MRPL42: variants seen among roughly 807,000 people sequenced by gnomAD.
The protein encoded by MRPL42 is large ribosomal subunit protein mL42.
A neutral mutation model predicts 17.9 loss-of-function variants in MRPL42; 17 were observed. The observed-to-expected ratio is 0.95, with a 90% confidence interval of 0.65 to 1.42. The LOEUF is 1.42. Among genes scored for constraint, MRPL42 ranks in the 40% most tolerant of loss-of-function variants. The pLI is 0.00. For missense variants in MRPL42, 177 were observed against 175.2 expected (o/e 1.01, Z -0.06); for synonymous variants, 59 against 54.4 (o/e 1.08, Z -0.37).
chr12:93,516,172 T>C lies in MRPL42; in HGVS notation c.*14951T>C, dbSNP rs188935483. On this transcript the variant is annotated 3_prime_UTR_variant, in exon 6 of 6. Transcript: ENST00000549982. The stretch of plus-strand genomic sequence containing the variant: ...CCCCATGGTTCCCTATGTTGTGTGT[T>C]CTTCTTTGCTGCAATGAGTAATAAA... 3.1e-3 allele frequency: 468 copies of C among 152,372 alleles called. 5 individuals carry two copies. Among genetic ancestry groups the C allele is most frequent in the African/African-American group, 0.011 (455 of 41,588 alleles). The allele number at this position is 152,372 out of a possible 1,614,324, so 9.4% of individuals were successfully genotyped here.
intron 4 of MRPL42, among the ~76,000 whole-genome samples, chr12:93,486,748 T>G (rs554972690): frequency 6.6e-6 from 1 of 152,336 alleles, no homozygotes; most frequent in Admixed American, 6.5e-5. Context: ...AATTTATACC[T>G]TTGAGAAACA....
Position 93,511,642 on chromosome 12 carries a change from C to T in MRPL42, c.*10421C>T, listed in dbSNP as rs1953726377. 1 of 152,126 alleles carries T rather than the reference C, an allele frequency of 6.6e-6. No homozygotes were observed. The highest frequency in any genetic ancestry group is 6.5e-5 in the Admixed American group (1 of 15,270). The allele number at this position is 152,126 out of a possible 1,614,324, so 9.4% of individuals were successfully genotyped here. A position where few individuals can be genotyped will look rare whatever the true frequency, so the allele number is the denominator to read the frequency against. ...ATGTACCATTAATATATAGATATTACTAATATGGCAATTAGTTTATATGCT... is the reference window on the plus strand; with the variant it reads ...ATGTACCATTAATATATAGATATTATTAATATGGCAATTAGTTTATATGCT... On this transcript the variant is annotated 3_prime_UTR_variant, in exon 6 of 6. Coordinates refer to ENST00000549982, the MANE Select transcript of MRPL42 (RefSeq NM_014050.4).
At chr12:93,494,740 A>G (rs1488069003) in intron 5 of MRPL42, among the ~76,000 whole-genome samples, 1 of 152,094 alleles carries the variant, frequency 6.6e-6, no homozygotes, top group Admixed American at 6.6e-5. Context: ...CCTGTCCTAG[A>G]GAATGGAACA....
chr12:93,497,809 G>A (rs1953534213), intron 5 of MRPL42, among the ~76,000 whole-genome samples: 8 of 151,176 alleles, frequency 5.3e-5, no homozygotes, highest in Admixed American at 5.3e-4. Context: ...ACTGGTTCTT[G>A]TAATTTTTCT....
chr12:93,500,441 A>T (rs1953568011), intron 5 of MRPL42, among the ~76,000 whole-genome samples: 1 of 152,198 alleles, frequency 6.6e-6, no homozygotes, highest in Non-Finnish European at 1.5e-5. Context: ...TTGTGATCTC[A>T]AAAACAAAAG....
At chr12:93,484,159 G>A (rs1372869243) in intron 4 of MRPL42, among the ~76,000 whole-genome samples, 1 of 152,124 alleles carries the variant, frequency 6.6e-6, no homozygotes, top group African/African-American at 2.4e-5. Flanking sequence ...TTAACAAGTA[G>A]GAGTACGCTC....
At chr12:93,479,544 A>G in intron 4 of MRPL42, 72 bp downstream of exon 4, 2 of 853,684 alleles carry the variant, frequency 2.3e-6, no homozygotes, top group Non-Finnish European at 3.5e-6. Context: ...ATAGTATCCA[A>G]AAAGAAGGGA....
At chr12:93,487,744 G>T (rs1953332948) in intron 5 of MRPL42, 84 bp downstream of exon 5, 1 of 1,258,340 alleles carries the variant, frequency 7.9e-7, no homozygotes, top group Non-Finnish European at 1.1e-6. Context: ...AACTTCTGAA[G>T]TGGTGTTTTG....
intron 4 of MRPL42, among the ~76,000 whole-genome samples, chr12:93,485,402 A>G (rs1410498459): frequency 6.6e-6 from 1 of 151,178 alleles, no homozygotes; most frequent in African/African-American, 2.4e-5. Flanking sequence ...TCAGTCTCCC[A>G]AAGTGCTAGG....
intron 2 of MRPL42, among the ~76,000 whole-genome samples, chr12:93,476,007 A>AC (rs1372071202): frequency 6.6e-6 from 1 of 152,098 alleles, no homozygotes; most frequent in African/African-American, 2.4e-5. Context: ...AACAACAACA[A>AC]AAAAAGAAAA....
At chr12:93,477,233 A>C (rs557069371) in intron 3 of MRPL42, among the ~76,000 whole-genome samples, 18 of 152,324 alleles carry the variant, frequency 1.2e-4, no homozygotes, top group Non-Finnish European at 2.1e-4. Context: ...TTGAATATTT[A>C]ATTTGTTATA....
In MRPL42 at chr12:93,468,309, G is replaced by A. The variant is rs527443139; in HGVS notation, c.-95+755G>A. On this transcript the variant is annotated intron_variant, in intron 1 of 5. Coordinates refer to ENST00000549982, the MANE Select transcript of MRPL42 (RefSeq NM_014050.4). Reference sequence around the variant, plus strand: ...TCCTAATTCTCTTTTATCACTATTGGGGGGAAGGGCACGGATACTCATTGA... The same window carrying A: ...TCCTAATTCTCTTTTATCACTATTGAGGGGAAGGGCACGGATACTCATTGA... 1.4e-4 allele frequency among the ~76,000 whole-genome samples: 5 copies of A among 35,858 alleles called. No individual in the cohort carries two copies. The South Asian group carries it at 2.5e-3, about 18-fold the overall frequency. 23.5% of individuals were successfully genotyped at this position (35,858 alleles called of 152,430 possible). A position where few individuals can be genotyped will look rare whatever the true frequency, so the allele number is the denominator to read the frequency against.
chr12:93,486,611 T>C (rs1468888949), intron 4 of MRPL42, among the ~76,000 whole-genome samples: 1 of 152,218 alleles, frequency 6.6e-6, no homozygotes, highest in Admixed American at 6.5e-5. Context: ...GTGCTGGGAT[T>C]ACAGGCGTGA....
In MRPL42 at chr12:93,487,695, C is replaced by T. The variant is rs201480365; in HGVS notation, c.383+35C>T. On this transcript the variant is annotated intron_variant, in intron 5 of 5. Transcript: ENST00000549982. ...CTTTTCTTTTCTTCAATCCCTACTA[C>T]ATACAGTAAAGGAACACATGGATTT... 2.9e-4 allele frequency: 439 copies of T among 1,516,018 alleles called. 1 individual carries two copies. The highest frequency in any genetic ancestry group is 1.7e-4 in the Middle Eastern group (1 of 5,724). 93.9% of individuals were successfully genotyped at this position (1,516,018 alleles called of 1,614,324 possible).
In MRPL42 at chr12:93,511,291, CTT is replaced by C. The variant is rs1265441602; in HGVS notation, c.*10072_*10073del. 6.6e-6 allele frequency: 1 copy of C among 152,108 alleles called. No homozygotes were observed. The highest frequency in any genetic ancestry group is 1.9e-4 in the East Asian group (1 of 5,202). 9.4% of individuals were successfully genotyped at this position (152,108 alleles called of 1,614,324 possible). On this transcript the variant is annotated 3_prime_UTR_variant, in exon 6 of 6. Transcript: ENST00000549982. ...AGATAAATCCAAAACCAGAAGATCT[CTT>C]TGAAAGAAAAACCTAAGTAATTAAA...
chr12:93,496,711 A>G (rs1044055928), intron 5 of MRPL42, among the ~76,000 whole-genome samples: 1 of 151,724 alleles, frequency 6.6e-6, no homozygotes, highest in Non-Finnish European at 1.5e-5. Context: ...CACTTTAAAA[A>G]TAAAGACAGC....
chr12:93,478,425 A>AT (rs1165420807), intron 3 of MRPL42, among the ~76,000 whole-genome samples: 1 of 150,318 alleles, frequency 6.7e-6, no homozygotes, highest in Non-Finnish European at 1.5e-5. Flanking sequence ...ATTTTTTTTT[A>AT]TTTTTTGTAG....
chr12:93,478,816 T>G (rs192388116), intron 3 of MRPL42, among the ~76,000 whole-genome samples: 28 of 152,360 alleles, frequency 1.8e-4, no homozygotes, highest in African/African-American at 6.5e-4. Flanking sequence ...TGACATATTC[T>G]GTGGGATGGT....
At position 93,507,831 on chromosome 12, in the gene MRPL42, G is replaced by A; in HGVS notation, c.*6610G>A. 6.6e-6 allele frequency: 1 copy of A among 152,548 alleles called. No homozygotes were observed. Among genetic ancestry groups the A allele is most frequent in the Non-Finnish European group, 1.5e-5 (1 of 68,210 alleles). 9.4% of individuals were successfully genotyped at this position (152,548 alleles called of 1,614,324 possible). A position where few individuals can be genotyped will look rare whatever the true frequency, so the allele number is the denominator to read the frequency against. On this transcript the variant is annotated 3_prime_UTR_variant, in exon 6 of 6. Coordinates refer to ENST00000549982, the MANE Select transcript of MRPL42 (RefSeq NM_014050.4). ...AGGATTTCAAGAGTATGAGATTGGG[G>A]CTGGGCATGATGACTCACACCTGTA...
Sources: allele counts gnomAD v4.1 joint callset (sites outside exome capture counted in the v4.1 genomes callset), GRCh38; gene constraint gnomAD v4.1.1; transcripts MANE v1.5; gene names NCBI Gene and HGNC (gene_info 2026-07-23, HGNC 2026-07-21).